The following TBCK variants were observed in gnomAD, a reference collection of about 807,000 sequenced individuals.
TBCK encodes the protein TBC domain-containing protein kinase-like protein.
TBCK carries 99 observed loss-of-function variants against 113.4 expected under a neutral mutation model. That is an observed-to-expected ratio of 0.87 (90% CI 0.74 to 1.03). TBCK has a LOEUF of 1.03. TBCK is among the 50% of genes least tolerant of loss of function. The pLI, the probability that TBCK is intolerant of heterozygous loss-of-function variation, is 0.00. For missense variants in TBCK, 1,045 were observed against 1,061.3 expected, an observed-to-expected ratio of 0.98 and a Z score of 0.21; for synonymous variants, 369 against 370.8, an observed-to-expected ratio of 1.00 and a Z score of 0.05.
At chr4:106,224,479 G>A (rs1758022864) in intron 19 of TBCK, among the ~76,000 whole-genome samples, 1 of 152,092 alleles carries the variant, frequency 6.6e-6, no homozygotes, top group Non-Finnish European at 1.5e-5. Flanking sequence ...GGAGAAGAAA[G>A]TGTACATGTG....
At chr4:106,161,010 A>G (rs1749714620) in intron 23 of TBCK, among the ~76,000 whole-genome samples, 1 of 152,096 alleles carries the variant, frequency 6.6e-6, no homozygotes, top group Non-Finnish European at 1.5e-5. Context: ...AAAATCATAG[A>G]GACAGAAGTA....
At chr4:106,205,587 C>CAAAAAA (rs70941240) in intron 20 of TBCK, among the ~76,000 whole-genome samples, 29 of 64,214 alleles carry the variant, frequency 4.5e-4, no homozygotes, top group African/African-American at 1.5e-3. Context: ...ACTAAAAATA[C>CAAAAAA]AAAAAAAAAA....
chr4:106,148,754 T>C (rs1166259409), intron 23 of TBCK, among the ~76,000 whole-genome samples: 1 of 152,170 alleles, frequency 6.6e-6, no homozygotes, highest in Non-Finnish European at 1.5e-5. Context: ...CCCTAGGATT[T>C]TGGAATGGTC....
intron 20 of TBCK, among the ~76,000 whole-genome samples, chr4:106,197,992 G>A (rs930913298): frequency 2.0e-5 from 3 of 152,062 alleles, no homozygotes; most frequent in Admixed American, 6.6e-5. Context: ...TAGCCAAATT[G>A]ATTTTTCTAA....
intron 25 of TBCK, among the ~76,000 whole-genome samples, chr4:106,091,266 G>A (rs976303239): frequency 6.6e-6 from 1 of 152,218 alleles, no homozygotes; most frequent in African/African-American, 2.4e-5. Flanking sequence ...AAAGGAGGAA[G>A]AGCCAGACTT....
chr4:106,171,321 T>G lies in TBCK; in HGVS notation c.2060-51A>C, dbSNP rs557131490. 7 of 1,389,412 alleles carry G rather than the reference T, an allele frequency of 5.0e-6. No individual in the cohort carries two copies. In the South Asian group the frequency reaches 7.6e-5, roughly 15 times the overall value. 86.1% of individuals were successfully genotyped at this position (1,389,412 alleles called of 1,614,324 possible). ...AAATGTATAGAATTTAGATTGCTCT[T>G]TTAATGTAATAAACACCATCTCTCC... On this transcript the variant is annotated intron_variant, in intron 22 of 25. Coordinates refer to ENST00000394708, the MANE Select transcript of TBCK (RefSeq NM_001163435.3).
chr4:106,262,239 T>G (rs1025692582), intron 3 of TBCK, 27 bp from the exon 4 acceptor site: 2 of 1,310,380 alleles, frequency 1.5e-6, no homozygotes, highest in Non-Finnish European at 2.1e-6. Context: ...AAGTCAAAGA[T>G]CAATTACAAA....
At chr4:106,311,500 CAAAT>C (rs1768192815) in intron 1 of TBCK, among the ~76,000 whole-genome samples, 3 of 151,268 alleles carry the variant, frequency 2.0e-5, no homozygotes, top group South Asian at 4.2e-4. Flanking sequence ...AAAAATAAAA[CAAAT>C]AATTCTGGAA....
intron 20 of TBCK, among the ~76,000 whole-genome samples, chr4:106,204,646 T>C (rs1755243137): frequency 6.6e-6 from 1 of 152,030 alleles, no homozygotes; most frequent in African/African-American, 2.4e-5. Context: ...TGCTATCTAC[T>C]GAAGTACAAA....
chr4:106,147,455 G>A (rs923782115), intron 23 of TBCK, among the ~76,000 whole-genome samples: 1 of 152,150 alleles, frequency 6.6e-6, no homozygotes, highest in African/African-American at 2.4e-5. Context: ...CAGAGGGACC[G>A]GCTGAAGCCA....
At chr4:106,157,766 T>C (rs1749301105) in intron 23 of TBCK, among the ~76,000 whole-genome samples, 1 of 152,154 alleles carries the variant, frequency 6.6e-6, no homozygotes, top group South Asian at 2.1e-4. Flanking sequence ...TGAGTGCTCA[T>C]CTAGTTTTTG....
chr4:106,211,327 T>C (rs1274505444), intron 20 of TBCK, among the ~76,000 whole-genome samples: 1 of 152,170 alleles, frequency 6.6e-6, no homozygotes, highest in East Asian at 1.9e-4. Flanking sequence ...TATAATGATA[T>C]TATACTCCAA....
At chr4:106,184,468 ATCAG>A (rs1752777947) in intron 22 of TBCK, among the ~76,000 whole-genome samples, 1 of 152,032 alleles carries the variant, frequency 6.6e-6, no homozygotes, top group South Asian at 2.1e-4. Context: ...AGTTAGAAGT[ATCAG>A]TCACACTTAC....
intron 25 of TBCK, among the ~76,000 whole-genome samples, chr4:106,073,353 C>T (rs914626567): frequency 9.9e-5 from 15 of 152,274 alleles, no homozygotes; most frequent in African/African-American, 3.6e-4. Context: ...CTAACAGGTC[C>T]CTCAGCTGCA....
At chr4:106,242,387 G>C in intron 12 of TBCK, 83 bp downstream of exon 12, 1 of 920,318 alleles carries the variant, frequency 1.1e-6, no homozygotes, top group Non-Finnish European at 1.6e-6. Context: ...AAATCAAAGA[G>C]GCATACAAGA....
intron 5 of TBCK, chr4:106,254,961 T>C (rs756798406): frequency 7.6e-5 from 13 of 171,420 alleles, no homozygotes; most frequent in Non-Finnish European, 5.1e-5. Context: ...TAGTTTCTCT[T>C]TGGGAAAATG....
At chr4:106,129,584 C>T (rs1299476762) in intron 23 of TBCK, among the ~76,000 whole-genome samples, 2 of 151,928 alleles carry the variant, frequency 1.3e-5, no homozygotes, top group Non-Finnish European at 2.9e-5. Context: ...TTAAGATGTC[C>T]TTCTTGTAAC....
chr4:106,219,147 A>C (rs1313705237), intron 19 of TBCK, among the ~76,000 whole-genome samples: 2 of 144,894 alleles, frequency 1.4e-5, no homozygotes, highest in Admixed American at 7.1e-5. Context: ...GCATATTCTC[A>C]CTCATAGGTG....
chr4:106,280,835 T>C (rs775497382), intron 3 of TBCK, among the ~76,000 whole-genome samples: 1 of 152,148 alleles, frequency 6.6e-6, no homozygotes, highest in Non-Finnish European at 1.5e-5. Context: ...TGCTCTGTAG[T>C]ATAATTTGAA....
Sources: allele counts gnomAD v4.1 joint callset (sites outside exome capture counted in the v4.1 genomes callset), GRCh38; gene constraint gnomAD v4.1.1; transcripts MANE v1.5; gene names NCBI Gene and HGNC (gene_info 2026-07-23, HGNC 2026-07-21).